Variants in HSDL2 observed in about 807,000 individuals in gnomAD.
The protein encoded by HSDL2 is hydroxysteroid dehydrogenase like 2.
In HSDL2, 27 loss-of-function variants were observed where a neutral mutation model predicts 46.3. That is an observed-to-expected ratio of 0.58 (90% CI 0.43 to 0.80). The LOEUF (loss-of-function observed/expected upper bound fraction) is 0.80. Among genes scored for constraint, HSDL2 ranks in the 30% least tolerant of loss-of-function variants. The probability of loss-of-function intolerance (pLI) is 0.00; values close to 1 mark genes in which losing one functional copy is unlikely to be tolerated. For synonymous variants in HSDL2, 153 were observed against 163.6 expected (o/e 0.94, Z 0.50); for missense variants, 451 against 502.7 (o/e 0.90, Z 0.98).
At chr9:112,410,308 A>C (rs1368028609) in intron 4 of HSDL2, among the ~76,000 whole-genome samples, 1 of 152,232 alleles carries the variant, frequency 6.6e-6, no homozygotes, top group Non-Finnish European at 1.5e-5. Context: ...CCTTACATGT[A>C]TCTTGTTAAC....
chr9:112,449,795 T>C (rs1832839636), intron 8 of HSDL2, among the ~76,000 whole-genome samples: 4 of 151,676 alleles, frequency 2.6e-5, no homozygotes, highest in Admixed American at 2.6e-4. Context: ...ATCATGTCAC[T>C]GCACTCCAGA....
chr9:112,462,074 T>C (rs533519481), intron 10 of HSDL2, among the ~76,000 whole-genome samples: 3 of 152,364 alleles, frequency 2.0e-5, no homozygotes, highest in Admixed American at 2.0e-4. Context: ...TGCTTTCCTT[T>C]AAATGGGCAC....
chr9:112,445,171 G>A lies in HSDL2; in HGVS notation c.865+3401G>A, dbSNP rs750953357. Among the ~76,000 whole-genome samples, 11 of 152,204 alleles carry A rather than the reference G, an allele frequency of 7.2e-5. 1 individual carries two copies. The Middle Eastern group carries it at 0.014, about 188-fold the overall frequency. On this transcript the variant is annotated intron_variant, in intron 8 of 10. Transcript: ENST00000398805. Reference sequence around the variant, plus strand: ...TGGGATTACAGGCATGAGCTATGGCGCTGGGCCTATTTTCCTTCAGTTACA... The same window carrying A: ...TGGGATTACAGGCATGAGCTATGGCACTGGGCCTATTTTCCTTCAGTTACA...
chr9:112,445,510 A>C (rs1281399377), intron 8 of HSDL2, among the ~76,000 whole-genome samples: 1 of 149,698 alleles, frequency 6.7e-6, no homozygotes, highest in Admixed American at 6.6e-5. Context: ...TGTTTCATAT[A>C]GTTTTTTTTT....
intron 1 of HSDL2, among the ~76,000 whole-genome samples, chr9:112,385,151 T>C (rs1831188845): frequency 6.6e-6 from 1 of 152,066 alleles, no homozygotes; most frequent in Non-Finnish European, 1.5e-5. Context: ...ATTTTATGTA[T>C]ACTACCTTTT....
chr9:112,430,093 AAAAG>A (rs959050506), intron 6 of HSDL2, among the ~76,000 whole-genome samples: 4 of 152,144 alleles, frequency 2.6e-5, no homozygotes, highest in Non-Finnish European at 4.4e-5. Flanking sequence ...CAAAAAAAAA[AAAAG>A]AAAGAAAAGA....
intron 10 of HSDL2, among the ~76,000 whole-genome samples, chr9:112,461,933 A>G (rs774620983): frequency 1.3e-5 from 2 of 152,226 alleles, no homozygotes; most frequent in Non-Finnish European, 2.9e-5. Context: ...GGATGAGGCC[A>G]GTCAGTTATA....
In HSDL2 at chr9:112,405,646, CT is replaced by C; in HGVS notation, c.206del (p.Leu69CysfsTer7). On this transcript the variant is annotated frameshift_variant, in exon 3 of 11. Transcript: ENST00000398805. LOFTEE classifies it high-confidence loss of function. ...EEIEAVGGKA[L>X]PCIVDVRDEQ... ...AAGTTGAAGCAGTTGGAGGAAAGGCCTTGCCATGTATTGTTGATGTGAGAGA... is the reference window on the plus strand; with the variant it reads ...AAGTTGAAGCAGTTGGAGGAAAGGCCTGCCATGTATTGTTGATGTGAGAGA... 6.2e-7 allele frequency: 1 copy of C among 1,612,344 alleles called. No homozygotes were observed. The highest frequency in any genetic ancestry group is 8.5e-7 in the Non-Finnish European group (1 of 1,178,942).
rs750974327 is a variant in HSDL2 at position 112,438,502 on chromosome 9, A to G, written c.670A>G (p.Ile224Val). 6.2e-7 allele frequency: 1 copy of G among 1,612,750 alleles called. No homozygotes were observed. Among genetic ancestry groups the G allele is most frequent in the South Asian group, 1.1e-5 (1 of 90,546 alleles). The change falls in exon 7 of 11, where the codon ATT (isoleucine) becomes GTT (valine). Residue 224 changes from isoleucine to valine, a missense_variant. Physicochemically the swap from Ile to Val is conservative, Grantham distance 29 (BLOSUM62 3). Coordinates refer to ENST00000398805, the MANE Select transcript of HSDL2 (RefSeq NM_032303.5). ...IESQCRKVDI[I>V]ADAAYSIFQK... ...AAGCCAGTGTAGAAAAGTTGATATC[A>G]TTGCAGATGCAGCATATTCCATTTT...
At chr9:112,416,706 C>G (rs896618426) in intron 4 of HSDL2, 135 bp from the exon 5 acceptor site, 5 of 491,340 alleles carry the variant, frequency 1.0e-5, no homozygotes, top group Non-Finnish European at 1.8e-5. Flanking sequence ...CCCAGGAGCT[C>G]AAGGCTTTAG....
chr9:112,397,721 T>C (rs949465662), intron 1 of HSDL2, among the ~76,000 whole-genome samples: 2 of 152,160 alleles, frequency 1.3e-5, no homozygotes, highest in African/African-American at 4.8e-5. Flanking sequence ...TACGGAATTG[T>C]AAATGCTGAG....
At chr9:112,442,578 T>C (rs1200506362) in intron 8 of HSDL2, among the ~76,000 whole-genome samples, 2 of 152,200 alleles carry the variant, frequency 1.3e-5, no homozygotes, top group Non-Finnish European at 2.9e-5. Flanking sequence ...GTCCAGAGTT[T>C]ACATTTTAGA....
At chr9:112,469,992 C>G (rs1055635956) in intron 10 of HSDL2, among the ~76,000 whole-genome samples, 4 of 152,082 alleles carry the variant, frequency 2.6e-5, no homozygotes, top group Non-Finnish European at 4.4e-5. Context: ...ATTTTGTGTC[C>G]ATACACTATA....
intron 6 of HSDL2, among the ~76,000 whole-genome samples, chr9:112,436,409 T>A (rs972121456): frequency 1.3e-5 from 2 of 152,024 alleles, no homozygotes; most frequent in Non-Finnish European, 2.9e-5. Flanking sequence ...ATGTCTGTTT[T>A]GTCAACATCT....
chr9:112,433,517 T>G (rs1319388929), intron 6 of HSDL2, among the ~76,000 whole-genome samples: 2 of 152,104 alleles, frequency 1.3e-5, no homozygotes, highest in Non-Finnish European at 2.9e-5. Context: ...ATAGGAGCAG[T>G]GAAGTAATAT....
At chr9:112,459,640 C>A in intron 10 of HSDL2, 63 bp downstream of exon 10, 1 of 1,389,082 alleles carries the variant, frequency 7.2e-7, no homozygotes, top group Non-Finnish European at 1.0e-6. Flanking sequence ...TGACATTTTG[C>A]TTTATCCCTT....
intron 3 of HSDL2, among the ~76,000 whole-genome samples, chr9:112,406,197 T>TG (rs1831723231): frequency 6.7e-6 from 1 of 149,790 alleles, no homozygotes; most frequent in African/African-American, 2.5e-5. Flanking sequence ...GAGTGTGGAA[T>TG]GATAGACTGT....
Position 112,416,947 on chromosome 9 carries a change from AG to A in HSDL2, c.499+5del. 7.5e-7 allele frequency: 1 copy of A among 1,341,920 alleles called. No homozygotes were observed. The highest frequency in any genetic ancestry group is 1.1e-6 in the Non-Finnish European group (1 of 935,630). 83.1% of individuals were successfully genotyped at this position (1,341,920 alleles called of 1,614,324 possible). On this transcript the variant is annotated splice_donor_region_variant and intron_variant, in intron 5 of 10. Transcript: ENST00000398805. ...AGTTTGGTTCAAACAGCACTGTGGT[AG>A]GTGGTAGGTGGTAGGGTGAGGGGAT...
intron 1 of HSDL2, among the ~76,000 whole-genome samples, chr9:112,386,596 G>A (rs145961660): frequency 1.5e-3 from 229 of 149,224 alleles, no homozygotes; most frequent in Admixed American, 3.3e-3. Flanking sequence ...ACCCTGGGCA[G>A]CACAGTAAGA....
Sources: gnomAD v4.1 joint callset for allele counts (sites outside exome capture counted in the v4.1 genomes callset) on GRCh38, gnomAD v4.1.1 for gene constraint, MANE v1.5 for transcripts, NCBI Gene and HGNC (gene_info 2026-07-23, HGNC 2026-07-21) for gene names.